Variants in RPS29 observed in about 807,000 individuals in gnomAD.
The protein encoded by RPS29 is ribosomal protein S29.
For synonymous variants in RPS29, 37 were observed against 26.9 expected (o/e 1.37, Z -1.16); for missense variants, 60 against 75.7 (o/e 0.79, Z 0.77).
intron 1 of RPS29, among the ~76,000 whole-genome samples, chr14:49,594,376 G>A (rs1881777404): frequency 6.6e-6 from 1 of 152,102 alleles, no homozygotes; most frequent in African/African-American, 2.4e-5. Context: ...TTAAATGAAT[G>A]AATAAATGTA....
intron 2 of RPS29, 91 bp downstream of exon 2, chr14:49,585,858 AG>A: frequency 2.1e-6 from 2 of 968,034 alleles, no homozygotes; most frequent in Non-Finnish European, 3.3e-6. Context: ...TTACCACTCC[AG>A]GGAAGATCTG....
intron 2 of RPS29, among the ~76,000 whole-genome samples, chr14:49,585,019 T>G (rs1881476915): frequency 6.6e-6 from 1 of 152,174 alleles, no homozygotes; most frequent in African/African-American, 2.4e-5. Context: ...TGCTGAATCT[T>G]AACAATGTCT....
downstream of RPS29, among the ~76,000 whole-genome samples, chr14:49,579,928 T>G (rs938003232): frequency 1.3e-5 from 2 of 152,220 alleles, no homozygotes; most frequent in African/African-American, 4.8e-5. Context: ...TAAGCCTCAG[T>G]TTCCTTGGCT....
chr14:49,593,672 G>C (rs944657044), intron 1 of RPS29, among the ~76,000 whole-genome samples: 2 of 108,368 alleles, frequency 1.8e-5, no homozygotes, highest in Admixed American at 3.1e-4. Flanking sequence ...CAGCCTGGGC[G>C]ACAGAGCAAG....
chr14:49,576,950 T>C (rs1451241684), exon 3 of RPS29: 1 of 152,222 alleles, frequency 6.6e-6, no homozygotes, highest in Non-Finnish European at 1.5e-5. Flanking sequence ...GGTATGTCTT[T>C]ATCAGCAGTG....
upstream of RPS29, among the ~76,000 whole-genome samples, chr14:49,587,384 T>C (rs1347945332): frequency 2.6e-5 from 4 of 152,254 alleles, no homozygotes; most frequent in African/African-American, 9.6e-5. Context: ...TGGTCATTTA[T>C]AATGCCTCCA....
intron 1 of RPS29, among the ~76,000 whole-genome samples, chr14:49,595,374 T>A (rs1048422063): frequency 6.6e-6 from 1 of 151,504 alleles, no homozygotes; most frequent in Non-Finnish European, 1.5e-5. Flanking sequence ...CAGCTTGAGG[T>A]CAGGAGTTCA....
chr14:49,586,241 C>T (rs764961858), intron 1 of RPS29, 44 bp downstream of exon 1: 12 of 1,590,664 alleles, frequency 7.5e-6, no homozygotes, highest in Middle Eastern at 1.7e-4. Context: ...AGCAGCCTAG[C>T]GCTCCACGGC....
chr14:49,581,129 G>T (rs1238139367), downstream of RPS29, among the ~76,000 whole-genome samples: 2 of 152,026 alleles, frequency 1.3e-5, no homozygotes, highest in Non-Finnish European at 2.9e-5. Flanking sequence ...GGAGGTTGCA[G>T]TGAGCCAAGA....
chr14:49,573,466 C>CAAAAAAAAAAAAA (rs538991068), exon 3 of RPS29: 1 of 47,776 alleles, frequency 2.1e-5, no homozygotes, highest in Non-Finnish European at 4.7e-5. Flanking sequence ...GAGTTAGAAT[C>CAAAAAAAAAAAAA]AAAAAAAAAA....
At chr14:49,586,497 A>T, upstream of RPS29, 1 of 694,758 alleles carries the variant, frequency 1.4e-6, no homozygotes, top group Admixed American at 2.2e-5. Flanking sequence ...GTAAAATGAA[A>T]TCTTAGAGGC....
At chr14:49,580,913 C>T (rs189907482), downstream of RPS29, among the ~76,000 whole-genome samples, 1,250 of 150,578 alleles carry the variant, frequency 8.3e-3, 15 homozygotes, top group African/African-American at 0.029. Flanking sequence ...ATGCTGGGTG[C>T]GGTGGCTCAC....
At chr14:49,591,714 G>A (rs1209885274) in intron 1 of RPS29, among the ~76,000 whole-genome samples, 11 of 144,762 alleles carry the variant, frequency 7.6e-5, no homozygotes, top group African/African-American at 1.3e-4. Flanking sequence ...TCTGCTTCCC[G>A]GGTTCAAACG....
Position 49,586,325 on chromosome 14 carries a change from A to C in RPS29, c.22T>G (p.Trp8Gly). 1 of 1,613,998 alleles carries C rather than the reference A, an allele frequency of 6.2e-7. No homozygotes were observed. The highest frequency in any genetic ancestry group is 8.5e-7 in the Non-Finnish European group (1 of 1,179,838). The change falls in exon 1 of 3, where the codon TGG becomes GGG. Residue 8 changes from tryptophan (W) to glycine (G), a missense_variant. By Grantham distance (184) the Trp-to-Gly change is radical (BLOSUM62 -2). Transcript: ENST00000245458. ...TGGCCGAATTTTCGCGGGTGGCTCC[A>C]GTACAGCTGCTGGTGACCCATCTTG... is the stretch of plus-strand genomic sequence containing the variant. MGHQQLY[W>G]SHPRKFGQGS...
intron 2 of RPS29, chr14:49,585,539 C>T (rs1325621600): frequency 7.8e-6 from 2 of 257,160 alleles, no homozygotes; most frequent in South Asian, 1.3e-4. Context: ...GCCGTAACAA[C>T]GCCACTGCAC....
chr14:49,589,562 T>C (rs1881669408), upstream of RPS29, among the ~76,000 whole-genome samples: 1 of 152,234 alleles, frequency 6.6e-6, no homozygotes, highest in African/African-American at 2.4e-5. Flanking sequence ...AAAACCTTCA[T>C]CTTAGACGTA....
At chr14:49,571,235 A>C (rs1162612317) in exon 3 of RPS29, 1 of 152,220 alleles carries the variant, frequency 6.6e-6, no homozygotes, top group East Asian at 1.9e-4. Flanking sequence ...TACAGAAAGA[A>C]TACACTTTGC....
exon 3 of RPS29, chr14:49,571,593 G>C (rs1881057168): frequency 6.6e-6 from 1 of 152,048 alleles, no homozygotes; most frequent in South Asian, 2.1e-4. Context: ...CCAGAGTAAG[G>C]GGTAGGGTGG....
At chr14:49,586,824 G>A, upstream of RPS29, 1 of 177,114 alleles carries the variant, frequency 5.6e-6, no homozygotes. Context: ...GTGGGATCGC[G>A]CCTGTGAATA....
Sources: gnomAD v4.1 joint callset for allele counts (sites outside exome capture counted in the v4.1 genomes callset) on GRCh38, gnomAD v4.1.1 for gene constraint, MANE v1.5 for transcripts, NCBI Gene and HGNC (gene_info 2026-07-23, HGNC 2026-07-21) for gene names.